Variants in ETS1 observed in about 807,000 individuals in gnomAD.
The protein encoded by ETS1 is ETS proto-oncogene 1, transcription factor.
ETS1 carries 15 observed loss-of-function variants against 58.6 expected under a neutral mutation model. The ratio of observed to expected loss-of-function variants is 0.26; its 90% confidence interval spans 0.17 to 0.39. The LOEUF (loss-of-function observed/expected upper bound fraction) is 0.39. Ranked by LOEUF, ETS1 falls within the 10% of genes least tolerant of loss-of-function variation. The pLI is 1.00. For synonymous variants in ETS1, 214 were observed against 218.2 expected, an observed-to-expected ratio of 0.98 and a Z score of 0.17; for missense variants, 417 against 610.5, an observed-to-expected ratio of 0.68 and a Z score of 3.34.
chr11:128,476,914 G>GC (rs1489606663), intron 8 of ETS1, among the ~76,000 whole-genome samples: 3 of 152,220 alleles, frequency 2.0e-5, no homozygotes, highest in Admixed American at 1.3e-4. Context: ...CACGTTATCT[G>GC]CCCCCGCATC....
At chr11:128,540,166 A>AC in intron 3 of ETS1, among the ~76,000 whole-genome samples, 1 of 152,220 alleles carries the variant, frequency 6.6e-6, no homozygotes, top group Non-Finnish European at 1.5e-5. Flanking sequence ...ACAAAACATT[A>AC]GCCAGGTGTG....
chr11:128,525,579 A>G (rs891330432), intron 3 of ETS1, among the ~76,000 whole-genome samples: 2 of 145,088 alleles, frequency 1.4e-5, no homozygotes, highest in African/African-American at 5.1e-5. Flanking sequence ...CCAGTTTATG[A>G]CTCACAGATG....
intron 8 of ETS1, among the ~76,000 whole-genome samples, chr11:128,476,273 G>T (rs1862320137): frequency 6.6e-6 from 1 of 152,196 alleles, no homozygotes; most frequent in African/African-American, 2.4e-5. Flanking sequence ...GGAAGCCAAG[G>T]CCAGCTCTCT....
At chr11:128,482,531 C>A (rs1862513800) in intron 7 of ETS1, among the ~76,000 whole-genome samples, 2 of 152,176 alleles carry the variant, frequency 1.3e-5, no homozygotes, top group Non-Finnish European at 2.9e-5. Flanking sequence ...TCCCACTAAG[C>A]AAGGGGACTA....
chr11:128,567,604 T>C (rs201459886), intron 2 of ETS1, among the ~76,000 whole-genome samples: 1 of 124,768 alleles, frequency 8.0e-6, no homozygotes, highest in Non-Finnish European at 1.8e-5. Flanking sequence ...AGTTTTTTGT[T>C]TTTTGGGTTT....
chr11:128,557,261 G>A (rs542448283), intron 2 of ETS1, among the ~76,000 whole-genome samples: 2 of 152,104 alleles, frequency 1.3e-5, no homozygotes, highest in African/African-American at 2.4e-5. Context: ...CTAGCTACTC[G>A]GGAGGCTAAG....
At chr11:128,478,145 T>TA (rs1420038401) in intron 8 of ETS1, among the ~76,000 whole-genome samples, 1 of 152,164 alleles carries the variant, frequency 6.6e-6, no homozygotes, top group Non-Finnish European at 1.5e-5. Flanking sequence ...GTTTTTTCAT[T>TA]AAAATGATTA....
At chr11:128,581,715 G>A (rs1238421872) in intron 1 of ETS1, among the ~76,000 whole-genome samples, 1 of 152,122 alleles carries the variant, frequency 6.6e-6, no homozygotes, top group Non-Finnish European at 1.5e-5. Flanking sequence ...AATGAATGCT[G>A]CCAATGAAAC....
At chr11:128,507,132 AAAT>A (rs1208016473) in intron 3 of ETS1, among the ~76,000 whole-genome samples, 1 of 152,022 alleles carries the variant, frequency 6.6e-6, no homozygotes, top group African/African-American at 2.4e-5. Flanking sequence ...TCTTTTTGGG[AAAT>A]TCTTTTCCAA....
rs76433606 is a variant in ETS1 at position 128,538,995 on chromosome 11, C to G, written c.214+17296G>C. Among the ~76,000 whole-genome samples the G allele has an allele frequency of 6.1e-3, 922 of 152,228 alleles. 9 individuals carry two copies. The highest frequency in any genetic ancestry group is 0.02 in the African/African-American group (836 of 41,520). ...CTTTTAACAAATAATAGGGGAGAAC[C>G]AGATACACATACGAAAAAGAAAGAA... On this transcript the variant is annotated intron_variant, in intron 3 of 9. Coordinates refer to ENST00000392668, the MANE Select transcript of ETS1 (RefSeq NM_001143820.2).
intron 8 of ETS1, among the ~76,000 whole-genome samples, chr11:128,469,054 C>T (rs1462999248): frequency 6.6e-6 from 1 of 152,194 alleles, no homozygotes; most frequent in African/African-American, 2.4e-5. Context: ...GCTCAAATGG[C>T]TTCTCTCTAT....
chr11:128,549,756 G>A lies in ETS1; in HGVS notation c.214+6535C>T, dbSNP rs1864200668. Among the ~76,000 whole-genome samples the A allele has an allele frequency of 6.6e-6, 1 of 152,130 alleles. No homozygotes were observed. The highest frequency in any genetic ancestry group is 1.5e-5 in the Non-Finnish European group (1 of 68,030). ...GCCTTTCCAAGCCCTCCTTCCTCGG[G>A]GCTGTTGGGGTCACTCCTGAGAGCA... On this transcript the variant is annotated intron_variant, in intron 3 of 9. Coordinates refer to ENST00000392668, the MANE Select transcript of ETS1 (RefSeq NM_001143820.2). The surrounding 1 kb of genome is among the most constrained non-coding windows in gnomAD (Gnocchi z 4.3).
intron 3 of ETS1, among the ~76,000 whole-genome samples, chr11:128,552,430 T>C (rs992179361): frequency 6.6e-6 from 1 of 152,222 alleles, no homozygotes; most frequent in Non-Finnish European, 1.5e-5. Flanking sequence ...AATAAGACTA[T>C]AGGTTCCTCC....
At chr11:128,578,583 C>T (rs914827314) in intron 1 of ETS1, among the ~76,000 whole-genome samples, 1 of 152,120 alleles carries the variant, frequency 6.6e-6, no homozygotes, top group African/African-American at 2.4e-5. Context: ...ATATTAGAAT[C>T]ACCTGAAACC....
intron 2 of ETS1, among the ~76,000 whole-genome samples, chr11:128,566,700 G>A (rs919432341): frequency 5.9e-5 from 9 of 151,796 alleles, no homozygotes; most frequent in East Asian, 1.9e-4. Context: ...GGAGAATGGC[G>A]TGAATCTGGG....
At chr11:128,541,077 G>A (rs1015870021) in intron 3 of ETS1, among the ~76,000 whole-genome samples, 5 of 152,128 alleles carry the variant, frequency 3.3e-5, no homozygotes, top group Non-Finnish European at 7.4e-5. Flanking sequence ...ACGTGACTGG[G>A]AGGCCTCAGG....
chr11:128,493,734 A>G (rs1357618512), intron 3 of ETS1, among the ~76,000 whole-genome samples: 2 of 152,278 alleles, frequency 1.3e-5, no homozygotes, highest in Non-Finnish European at 2.9e-5. Flanking sequence ...ACTCCCTTCT[A>G]TAACTAAGTG....
chr11:128,533,821 T>C (rs1202386030), intron 3 of ETS1, among the ~76,000 whole-genome samples: 2 of 152,184 alleles, frequency 1.3e-5, no homozygotes, highest in Non-Finnish European at 2.9e-5. Flanking sequence ...CTACTTAAAT[T>C]TGAATTTCCA....
At chr11:128,516,033 G>A (rs1375656524) in intron 3 of ETS1, among the ~76,000 whole-genome samples, 1 of 152,160 alleles carries the variant, frequency 6.6e-6, no homozygotes, top group African/African-American at 2.4e-5. Flanking sequence ...ATGGCTCTCT[G>A]CCAATGAAAC....
Sources: allele counts gnomAD v4.1 joint callset (sites outside exome capture counted in the v4.1 genomes callset), GRCh38; gene constraint gnomAD v4.1.1; non-coding constraint Gnocchi (gnomAD v3.1); transcripts MANE v1.5; gene names NCBI Gene and HGNC (gene_info 2026-07-23, HGNC 2026-07-21).